Variants in SLC12A9 observed in about 807,000 individuals in gnomAD.
SLC12A9 encodes the protein CCC-interacting protein 1.
A neutral mutation model predicts 66.0 loss-of-function variants in SLC12A9; 55 were observed. The observed-to-expected ratio is 0.83, with a 90% CI of 0.67 to 1.04. SLC12A9 has a LOEUF of 1.04. Among genes scored for constraint, SLC12A9 ranks in the 50% least tolerant of loss-of-function variants. The pLI is 0.00. For missense variants in SLC12A9, 1,061 were observed against 1,241.9 expected, an observed-to-expected ratio of 0.85 and a Z score of 2.19; for synonymous variants, 577 against 569.0, an observed-to-expected ratio of 1.01 and a Z score of -0.20.
chr7:100,855,523 C>T, intron 3 of SLC12A9, 183 bp from the exon 4 acceptor site: 1 of 714,138 alleles, frequency 1.4e-6, no homozygotes, highest in East Asian at 2.7e-5. Flanking sequence ...CCAACAATCT[C>T]ATCTGTTAGG....
chr7:100,863,564 C>T (rs113139768), intron 13 of SLC12A9, among the ~76,000 whole-genome samples: 49 of 152,330 alleles, frequency 3.2e-4, no homozygotes, highest in African/African-American at 1.1e-3. Context: ...GATGGTAATT[C>T]ATCCAGACTT....
chr7:100,845,293 G>A (rs948378993), intron 1 of SLC12A9, among the ~76,000 whole-genome samples: 2 of 150,002 alleles, frequency 1.3e-5, no homozygotes, highest in East Asian at 1.9e-4. Context: ...TAGAGCCTAC[G>A]CTAGGCTGCC....
chr7:100,857,207 C>A lies in SLC12A9; in HGVS notation c.757+31C>A, dbSNP rs746517112. 1.8e-5 allele frequency: 28 copies of A among 1,590,222 alleles called. No homozygotes were observed. In the African/African-American group the frequency reaches 3.4e-4, roughly 19 times the overall value. On this transcript the variant is annotated intron_variant, in intron 5 of 13. Coordinates refer to ENST00000354161, the MANE Select transcript of SLC12A9 (RefSeq NM_020246.4). ...CTGGGTGCTGCCGTGGCAGGGATCT[C>A]GGGGTGAGGGGTGGGCAGACGTCGG...
At chr7:100,859,401 T>A (rs1015214941) in intron 7 of SLC12A9, 33 of 546,796 alleles carry the variant, frequency 6.0e-5, no homozygotes, top group Admixed American at 4.8e-4. Context: ...CCACAAATAT[T>A]TGGCCTCTTG....
Position 100,860,407 on chromosome 7 carries a change from G to A in SLC12A9, c.1218+175G>A, listed in dbSNP as rs868195185. The A allele has an allele frequency of 3.1e-5, 21 of 671,416 alleles. No homozygotes were observed. The African/African-American group carries it at 3.3e-4, about 10-fold the overall frequency. 41.6% of individuals were successfully genotyped at this position (671,416 alleles called of 1,614,324 possible). A position where few individuals can be genotyped will look rare whatever the true frequency, so the allele number is the denominator to read the frequency against. On this transcript the variant is annotated intron_variant, in intron 9 of 13. Transcript: ENST00000354161. ...TGTGGGGTTCACCAGCACCTTGCAG[G>A]TTGCCCCAGTGCTTTGCAGAGTTCA...
intron 5 of SLC12A9, chr7:100,858,388 G>C (rs552990004): frequency 2.0e-3 from 308 of 154,868 alleles, no homozygotes; most frequent in African/African-American, 6.3e-3. Flanking sequence ...CTCTCGCCTG[G>C]GTGACACAGC....
At chr7:100,858,666 G>A in intron 5 of SLC12A9, 169 bp from the exon 6 acceptor site, 2 of 608,038 alleles carry the variant, frequency 3.3e-6, no homozygotes, top group Non-Finnish European at 5.9e-6. Context: ...GGGGGACGTG[G>A]CAATGTGTCT....
chr7:100,838,006 G>A (rs536025163), intron 1 of SLC12A9, among the ~76,000 whole-genome samples: 3 of 151,784 alleles, frequency 2.0e-5, no homozygotes, highest in East Asian at 1.9e-4. Flanking sequence ...GACTGCAGGC[G>A]CCCTCTACCA....
chr7:100,860,547 G>A, intron 9 of SLC12A9: 1 of 394,256 alleles, frequency 2.5e-6, no homozygotes, highest in Non-Finnish European at 4.7e-6. Flanking sequence ...CACTTTGTGG[G>A]GTGCCCCAGC....
In SLC12A9 at chr7:100,855,656, C is replaced by T. The variant is rs773824365; in HGVS notation, c.317-50C>T. The stretch of plus-strand genomic sequence containing the variant: ...GCTTGGAGCTATGGCAACTTCCTCA[C>T]GTCCATTTCAGTCTTTTCCCTTAAT... On this transcript the variant is annotated intron_variant, in intron 3 of 13. Transcript: ENST00000354161. 2.3e-5 allele frequency: 37 copies of T among 1,611,478 alleles called. 1 individual carries two copies. Among genetic ancestry groups the T allele is most frequent in the South Asian group, 2.2e-4 (20 of 90,798 alleles).
chr7:100,842,613 ACATT>A (rs1373959765), intron 1 of SLC12A9, among the ~76,000 whole-genome samples: 1 of 152,244 alleles, frequency 6.6e-6, no homozygotes, highest in Non-Finnish European at 1.5e-5. Flanking sequence ...CTAAAATCAT[ACATT>A]AATTTTACTA....
chr7:100,830,968 T>TA (rs2116490450), intron 1 of SLC12A9, among the ~76,000 whole-genome samples: 1 of 152,144 alleles, frequency 6.6e-6, no homozygotes, highest in South Asian at 2.1e-4. Context: ...ACATTCACGT[T>TA]ACTACCTGAA....
At chr7:100,829,163 T>A (rs1051920797) in intron 1 of SLC12A9, among the ~76,000 whole-genome samples, 1 of 152,132 alleles carries the variant, frequency 6.6e-6, no homozygotes, top group East Asian at 1.9e-4. Flanking sequence ...AGTTTTCGTA[T>A]TTTTAGTAGA....
At chr7:100,830,208 C>T (rs896010425) in intron 1 of SLC12A9, among the ~76,000 whole-genome samples, 3 of 151,554 alleles carry the variant, frequency 2.0e-5, no homozygotes, top group South Asian at 2.1e-4. Context: ...AAAACTTAGC[C>T]AGGTGTGGTG....
At chr7:100,844,162 T>C (rs1049127558) in intron 1 of SLC12A9, among the ~76,000 whole-genome samples, 1 of 152,132 alleles carries the variant, frequency 6.6e-6, no homozygotes, top group Non-Finnish European at 1.5e-5. Context: ...AGTATATACA[T>C]CAAGTCACTG....
chr7:100,839,500 G>A (rs1020741220), intron 1 of SLC12A9, among the ~76,000 whole-genome samples: 4 of 152,210 alleles, frequency 2.6e-5, no homozygotes, highest in African/African-American at 4.8e-5. Context: ...GGTGAATGGC[G>A]GATGGTCGAG....
chr7:100,831,097 A>G (rs1209396107), intron 1 of SLC12A9, among the ~76,000 whole-genome samples: 1 of 152,226 alleles, frequency 6.6e-6, no homozygotes. Flanking sequence ...CCAGAGCAAT[A>G]TACTGCTATC....
Position 100,860,181 on chromosome 7 carries a change from C to A in SLC12A9, c.1167C>A (p.Ser389=). Residue 389 remains serine (S), a synonymous_variant, in exon 9 of 14, where the codon TCC becomes TCA. Coordinates refer to ENST00000354161, the MANE Select transcript of SLC12A9 (RefSeq NM_020246.4). ...GVILAPAKVV[S]RGGNPWAAVL... ...TCTTGGCACCGGCCAAGGTTGTGTC[C>A]CGAGGGGGAAACCCCTGGGCAGCTG... The A allele has an allele frequency of 6.2e-7, 1 of 1,614,190 alleles. No individual in the cohort carries two copies. Among genetic ancestry groups the A allele is most frequent in the Non-Finnish European group, 8.5e-7 (1 of 1,180,042 alleles).
chr7:100,858,748 G>C, intron 5 of SLC12A9, 87 bp from the exon 6 acceptor site: 2 of 1,276,134 alleles, frequency 1.6e-6, no homozygotes, highest in Non-Finnish European at 2.2e-6. Flanking sequence ...CAAGAGGACC[G>C]TGGGAATGTG....
Sources: gnomAD v4.1 joint callset for allele counts (sites outside exome capture counted in the v4.1 genomes callset) on GRCh38, gnomAD v4.1.1 for gene constraint, MANE v1.5 for transcripts, NCBI Gene and HGNC (gene_info 2026-07-23, HGNC 2026-07-21) for gene names.